The following PDXDC1 variants were observed in gnomAD, a reference collection of about 807,000 sequenced individuals.
The protein encoded by PDXDC1 is pyridoxal dependent decarboxylase domain containing 1.
In PDXDC1, 42 loss-of-function variants were observed where a neutral mutation model predicts 100.1. That is an observed-to-expected ratio of 0.42 (90% CI 0.33 to 0.54). PDXDC1 has a LOEUF of 0.54. PDXDC1 is among the 20% of genes least tolerant of loss of function. The probability of loss-of-function intolerance (pLI) is 0.10; values close to 1 mark genes in which losing one functional copy is unlikely to be tolerated. For synonymous variants in PDXDC1, 260 were observed against 371.7 expected (o/e 0.70, Z 3.46); for missense variants, 636 against 979.2 (o/e 0.65, Z 4.68).
At chr16:15,059,846 G>A (rs1308559405) in intron 16 of PDXDC1, among the ~76,000 whole-genome samples, 2 of 151,984 alleles carry the variant, frequency 1.3e-5, no homozygotes, top group African/African-American at 2.4e-5. Context: ...AAGGAGAGTC[G>A]CGGATACTTC....
chr16:15,144,451 G>A, the PDXDC1 span, among the ~76,000 whole-genome samples: 1 of 152,172 alleles, frequency 6.6e-6, no homozygotes, highest in Non-Finnish European at 1.5e-5. Context: ...ACTTCCATGG[G>A]GAGGGCCAGG....
chr16:15,059,848 G>A (rs899166096), intron 16 of PDXDC1, among the ~76,000 whole-genome samples: 1 of 151,988 alleles, frequency 6.6e-6, no homozygotes, highest in South Asian at 2.1e-4. Flanking sequence ...GGAGAGTCGC[G>A]GATACTTCAT....
intron 16 of PDXDC1, chr16:15,065,465 A>G: frequency 9.7e-7 from 1 of 1,033,176 alleles, no homozygotes. Flanking sequence ...TACCTACCAC[A>G]GAGAAATTGC....
Position 15,067,402 on chromosome 16 carries a change from C to T in PDXDC1, c.1399+37346C>T, listed in dbSNP as rs985458194. On this transcript the variant is annotated intron_variant, in intron 16 of 16. Coordinates refer to the PDXDC1 transcript ENST00000535621. ...GTGATTTCACCTCTCTGTACCTCCACCTCCCTGTTGATAAACAGGGTTTCA... is the reference window on the plus strand; with the variant it reads ...GTGATTTCACCTCTCTGTACCTCCATCTCCCTGTTGATAAACAGGGTTTCA... 4.8e-5 allele frequency among the ~76,000 whole-genome samples: 4 copies of T among 84,142 alleles called. 1 individual carries two copies. The highest frequency in any genetic ancestry group is 4.4e-4 in the Admixed American group (3 of 6,754). 55.2% of individuals were successfully genotyped at this position (84,142 alleles called of 152,430 possible).
intron 1 of PDXDC1, among the ~76,000 whole-genome samples, chr16:14,987,913 G>GT (rs372304080): frequency 9.2e-4 from 136 of 147,934 alleles, no homozygotes; most frequent in Middle Eastern, 3.6e-3. Context: ...CGCCTGGCCT[G>GT]TTTTTTTTTT....
chr16:15,128,747 T>C (rs146787772), intron 16 of PDXDC1, among the ~76,000 whole-genome samples: 2,432 of 151,324 alleles, frequency 0.016, 74 homozygotes, highest in African/African-American at 0.056. Context: ...AGTTCATGCA[T>C]AGACTGCAAA....
intron 16 of PDXDC1, among the ~76,000 whole-genome samples, chr16:15,084,144 A>G (rs2045819410): frequency 6.6e-6 from 1 of 152,202 alleles, no homozygotes; most frequent in African/African-American, 2.4e-5. Flanking sequence ...ACATAACAGC[A>G]CTTTTGCTGA....
At chr16:15,102,910 C>G (rs1598077503) in intron 16 of PDXDC1, among the ~76,000 whole-genome samples, 2 of 148,820 alleles carry the variant, frequency 1.3e-5, no homozygotes, top group East Asian at 3.9e-4. Flanking sequence ...GCACTCCAGC[C>G]TGAGCAACAG....
In PDXDC1 at chr16:15,098,200, ATT is replaced by A. The variant is rs35540128; in HGVS notation, c.1400-40662_1400-40661del. Among the ~76,000 whole-genome samples the A allele has an allele frequency of 9.0e-3, 1,015 of 112,696 alleles. 4 individuals are homozygous for A. The highest frequency in any genetic ancestry group is 0.014 in the South Asian group (49 of 3,492). The allele number at this position is 112,696 out of a possible 152,430, so 73.9% of individuals were successfully genotyped here. On this transcript the variant is annotated intron_variant, in intron 16 of 16. Coordinates refer to the PDXDC1 transcript ENST00000535621. ...GAAAGGAACAAATTGGATATCTATG[ATT>A]TTTTTTTTTTTTTTTTGAGACAGAG...
Position 15,093,928 on chromosome 16 carries a change from C to T in PDXDC1, c.1400-44951C>T, listed in dbSNP as rs531036220. ...AAGAGACACAGTCGGGAAAGGGGGC[C>T]TCCAGAACAGAGAACATAGTCACTT... On this transcript the variant is annotated intron_variant, in intron 16 of 16. Coordinates refer to the PDXDC1 transcript ENST00000535621. 4.1e-5 allele frequency: 23 copies of T among 566,334 alleles called. No individual in the cohort carries two copies. The Admixed American group carries it at 4.9e-4, about 12-fold the overall frequency. The allele number at this position is 566,334 out of a possible 1,614,324, so 35.1% of individuals were successfully genotyped here.
intron 1 of PDXDC1, chr16:14,988,829 C>G: frequency 6.2e-7 from 1 of 1,613,892 alleles, no homozygotes; most frequent in Non-Finnish European, 8.5e-7. Flanking sequence ...CTGGGGCACC[C>G]ACCTTCACCA....
chr16:15,028,316 A>T (rs1464615525), intron 14 of PDXDC1, among the ~76,000 whole-genome samples: 1 of 152,298 alleles, frequency 6.6e-6, no homozygotes, highest in African/African-American at 2.4e-5. Context: ...CTAAGTATCC[A>T]CATCCTCAGC....
At chr16:15,094,033 G>C (rs1423895156) in intron 16 of PDXDC1, 2 of 918,582 alleles carry the variant, frequency 2.2e-6, no homozygotes, top group South Asian at 1.4e-5. Context: ...CCTCCACCCC[G>C]TGCTCCTATC....
Position 15,060,966 on chromosome 16 carries a change from C to G in PDXDC1, c.1399+30910C>G, listed in dbSNP as rs561167150. The G allele has an allele frequency of 7.2e-5, 11 of 152,382 alleles. No homozygotes were observed. In the East Asian group the frequency reaches 9.6e-4, roughly 13 times the overall value. The allele number at this position is 152,382 out of a possible 1,614,324, so 9.4% of individuals were successfully genotyped here. A position where few individuals can be genotyped will look rare whatever the true frequency, so the allele number is the denominator to read the frequency against. On this transcript the variant is annotated intron_variant, in intron 16 of 16. Coordinates refer to the PDXDC1 transcript ENST00000535621. ...CAAATCCAATCTCATGTGTTTTACA[C>G]AAGCCCGAACTCACTTTCAGTCTGT...
chr16:15,055,822 G>T (rs368851607), intron 16 of PDXDC1: 3 of 839,912 alleles, frequency 3.6e-6, no homozygotes, highest in Non-Finnish European at 4.8e-6. Context: ...GTCGCGTGAG[G>T]GGGGCGCTAG....
chr16:15,127,523 C>G, intron 16 of PDXDC1: 2 of 1,504,824 alleles, frequency 1.3e-6, no homozygotes, highest in Non-Finnish European at 1.8e-6. Context: ...ACGGGATAGA[C>G]AACCACGCTG....
intron 16 of PDXDC1, chr16:15,137,174 G>A: frequency 1.4e-6 from 1 of 714,928 alleles, no homozygotes; most frequent in Non-Finnish European, 2.5e-6. Flanking sequence ...GGCAGTGACA[G>A]GGAGCGGGGC....
Position 15,131,267 on chromosome 16 carries a change from A to C in PDXDC1, c.1400-7612A>C, listed in dbSNP as rs1190348674. Reference sequence around the variant, plus strand: ...ACCTTCACGGTGATGGCGCGCTCTGAGGCCAGCCGCTCGATGGGGATCTGG... The same window carrying C: ...ACCTTCACGGTGATGGCGCGCTCTGCGGCCAGCCGCTCGATGGGGATCTGG... On this transcript the variant is annotated intron_variant, in intron 16 of 16. Transcript: ENST00000535621. 3 of 1,587,976 alleles carry C rather than the reference A, an allele frequency of 1.9e-6. No individual in the cohort carries two copies. The Admixed American group carries it at 5.0e-5, about 26-fold the overall frequency.
chr16:15,042,299 C>A (rs1343295003), downstream of PDXDC1, among the ~76,000 whole-genome samples: 2 of 151,562 alleles, frequency 1.3e-5, no homozygotes, highest in Non-Finnish European at 2.9e-5. Context: ...GATTTTCCTG[C>A]CTCAGCCTCC....
Sources: gnomAD v4.1 joint callset for allele counts (sites outside exome capture counted in the v4.1 genomes callset) on GRCh38, gnomAD v4.1.1 for gene constraint, MANE v1.5 for transcripts, NCBI Gene and HGNC (gene_info 2026-07-23, HGNC 2026-07-21) for gene names.